Variants in PRSS21 observed in about 807,000 individuals in gnomAD.
PRSS21 encodes testisin.
A neutral mutation model predicts 31.1 loss-of-function variants in PRSS21; 40 were observed. The ratio of observed to expected loss-of-function variants is 1.29; its 90% CI spans 1.00 to 1.68. The LOEUF is 1.68. Among genes scored for constraint, PRSS21 ranks in the 40% most tolerant of loss-of-function variants. PRSS21 has a pLI of 0.00. For synonymous variants in PRSS21, 186 were observed against 167.7 expected, an observed-to-expected ratio of 1.11 and a Z score of -0.84; for missense variants, 467 against 412.6, an observed-to-expected ratio of 1.13 and a Z score of -1.14.
chr16:2,821,169 T>G, intron 5 of PRSS21, 60 bp downstream of exon 5: 1 of 1,600,436 alleles, frequency 6.2e-7, no homozygotes, highest in Non-Finnish European at 8.5e-7. Context: ...TGTGCCTTAT[T>G]TGACCCTCAT....
chr16:2,820,706 T>C (rs1221620900), intron 4 of PRSS21, among the ~76,000 whole-genome samples: 1 of 152,172 alleles, frequency 6.6e-6, no homozygotes, highest in East Asian at 1.9e-4. Flanking sequence ...GGCAGGGCCA[T>C]TGTTGCCATT....
In PRSS21 at chr16:2,817,402, G is replaced by A; in HGVS notation, c.65-28G>A. On this transcript the variant is annotated intron_variant, in intron 1 of 5. Coordinates refer to ENST00000005995, the MANE Select transcript of PRSS21 (RefSeq NM_006799.4). This position sits in a 1 kb window ranked among gnomAD's most constrained non-coding sequence, Gnocchi z 4.2. ...GTGGGGAGGACGGGAGGTGGAGGCCGCGGGGAGTCACTTCTTGTCTCCCGC... is the reference window on the plus strand; with the variant it reads ...GTGGGGAGGACGGGAGGTGGAGGCCACGGGGAGTCACTTCTTGTCTCCCGC... 1 of 1,595,480 alleles carries A rather than the reference G, an allele frequency of 6.3e-7. No individual in the cohort carries two copies. The highest frequency in any genetic ancestry group is 1.1e-5 in the South Asian group (1 of 90,116).
rs761079620 is a variant in PRSS21 at position 2,817,951 on chromosome 16, C to T, written c.242C>T (p.Ala81Val). Residue 81 changes from alanine to valine, a missense_variant, in exon 3 of 6, where the codon GCG becomes GTG. Transcript: ENST00000005995. The surrounding 1 kb of genome is among the most constrained non-coding windows in gnomAD (Gnocchi z 4.2). ...LLSHRWALTAAHCFETYSDLS... is the reference protein window; with the variant it reads ...LLSHRWALTAVHCFETYSDLS... Reference sequence around the variant, plus strand: ...AGCCACCGCTGGGCACTCACGGCGGCGCACTGCTTTGAAACGTGAGTGGGG... The same window carrying T: ...AGCCACCGCTGGGCACTCACGGCGGTGCACTGCTTTGAAACGTGAGTGGGG... The T allele has an allele frequency of 7.7e-6, 12 of 1,548,824 alleles. No homozygotes were observed. In the South Asian group the frequency reaches 9.5e-5, roughly 12 times the overall value.
Position 2,821,022 on chromosome 16 carries a change from C to G in PRSS21, c.618C>G (p.His206Gln). 6.2e-7 allele frequency: 1 copy of G among 1,614,152 alleles called. No homozygotes were observed. The highest frequency in any genetic ancestry group is 8.5e-7 in the Non-Finnish European group (1 of 1,180,006). ...TCATAAACAACTCTATGTGCAACCA[C>G]CTCTTCCTCAAGTACAGTTTCCGCA... ...VAIINNSMCN[H>Q]LFLKYSFRKD... Residue 206 changes from histidine (H) to glutamine (Q), a missense_variant, in exon 5 of 6, where the codon CAC becomes CAG. By Grantham distance (24) the His-to-Gln change is conservative. Transcript: ENST00000005995.
chr16:2,821,173 C>T, intron 5 of PRSS21, 64 bp downstream of exon 5: 1 of 1,595,750 alleles, frequency 6.3e-7, no homozygotes, highest in Non-Finnish European at 8.6e-7. Flanking sequence ...CCTTATTTGA[C>T]CCTCATGCCA....
At position 2,817,493 on chromosome 16, in the gene PRSS21, G is replaced by A. The variant is rs966676468; in HGVS notation, c.91+37G>A. 8 of 1,532,724 alleles carry A rather than the reference G, an allele frequency of 5.2e-6. No homozygotes were observed. Among genetic ancestry groups the A allele is most frequent in the Middle Eastern group, 2.3e-4 (1 of 4,278 alleles). 94.9% of individuals were successfully genotyped at this position (1,532,724 alleles called of 1,614,324 possible). A position where few individuals can be genotyped will look rare whatever the true frequency, so the allele number is the denominator to read the frequency against. On this transcript the variant is annotated intron_variant, in intron 2 of 5. Coordinates refer to ENST00000005995, the MANE Select transcript of PRSS21 (RefSeq NM_006799.4). The surrounding 1 kb of genome is among the most constrained non-coding windows in gnomAD (Gnocchi z 4.2). ...AGGACGCGCGATTCCTGCCAGGGCCGTTGGGCCGAGGTGGACGGGGGGCGG... is the reference window on the plus strand; with the variant it reads ...AGGACGCGCGATTCCTGCCAGGGCCATTGGGCCGAGGTGGACGGGGGGCGG...
intron 3 of PRSS21, 98 bp downstream of exon 3, chr16:2,818,064 G>C: frequency 7.0e-7 from 1 of 1,423,384 alleles, no homozygotes; most frequent in East Asian, 2.5e-5. Context: ...CCAGACTTGG[G>C]CGTGAAAGTT....
rs2069109125 is a variant in PRSS21 at position 2,817,980 on chromosome 16, C to T, written c.257+14C>T. On this transcript the variant is annotated intron_variant, in intron 3 of 5. Coordinates refer to ENST00000005995, the MANE Select transcript of PRSS21 (RefSeq NM_006799.4). The surrounding 1 kb of genome is among the most constrained non-coding windows in gnomAD (Gnocchi z 4.2). ...CTGCTTTGAAACGTGAGTGGGGGTG[C>T]GAACGGAGGGGTGCGGGGACGGGCA... The T allele has an allele frequency of 3.9e-6, 6 of 1,543,358 alleles. No individual in the cohort carries two copies. Among genetic ancestry groups the T allele is most frequent in the East Asian group, 2.5e-5 (1 of 40,750 alleles).
Position 2,817,340 on chromosome 16 carries a change from C to T in PRSS21, c.64+8C>T, listed in dbSNP as rs1555469534. 6.5e-7 allele frequency: 1 copy of T among 1,548,056 alleles called. No homozygotes were observed. Among genetic ancestry groups the T allele is most frequent in the Non-Finnish European group, 8.7e-7 (1 of 1,146,756 alleles). On this transcript the variant is annotated splice_region_variant and intron_variant, in intron 1 of 5. Coordinates refer to ENST00000005995, the MANE Select transcript of PRSS21 (RefSeq NM_006799.4). This position sits in a 1 kb window ranked among gnomAD's most constrained non-coding sequence, Gnocchi z 4.2. Reference sequence around the variant, plus strand: ...CTGGACTCAGGAAGCCGGGTGAGCTCGGGGCGCTGCTGGCGGGATGGGGAG... The same window carrying T: ...CTGGACTCAGGAAGCCGGGTGAGCTTGGGGCGCTGCTGGCGGGATGGGGAG...
In PRSS21 at chr16:2,818,675, A is replaced by T; in HGVS notation, c.258-2A>T. 1 of 1,613,492 alleles carries T rather than the reference A, an allele frequency of 6.2e-7. No individual in the cohort carries two copies. The highest frequency in any genetic ancestry group is 8.5e-7 in the Non-Finnish European group (1 of 1,179,470). On this transcript the variant is annotated splice_acceptor_variant, in intron 3 of 5. Transcript: ENST00000005995. LOFTEE classifies it high-confidence loss of function. ...CCTGACTGCTCTCTTCTCTTCTGCCAGCTATAGTGACCTTAGTGATCCCTC... is the reference window on the plus strand; with the variant it reads ...CCTGACTGCTCTCTTCTCTTCTGCCTGCTATAGTGACCTTAGTGATCCCTC...
At position 2,817,550 on chromosome 16, in the gene PRSS21, C is replaced by T; in HGVS notation, c.91+94C>T. On this transcript the variant is annotated intron_variant, in intron 2 of 5. Coordinates refer to ENST00000005995, the MANE Select transcript of PRSS21 (RefSeq NM_006799.4). This position sits in a 1 kb window ranked among gnomAD's most constrained non-coding sequence, Gnocchi z 4.2. ...GGTAGAGGGGGGCCTTTACTGCTCTCTCGCCCCCGCCCCCGGGATCGAGAA... is the reference window on the plus strand; with the variant it reads ...GGTAGAGGGGGGCCTTTACTGCTCTTTCGCCCCCGCCCCCGGGATCGAGAA... 7.0e-7 allele frequency: 1 copy of T among 1,435,130 alleles called. No homozygotes were observed. Among genetic ancestry groups the T allele is most frequent in the Non-Finnish European group, 9.2e-7 (1 of 1,082,426 alleles). 88.9% of individuals were successfully genotyped at this position (1,435,130 alleles called of 1,614,324 possible). A position where few individuals can be genotyped will look rare whatever the true frequency, so the allele number is the denominator to read the frequency against.
rs1471060975 is a variant in PRSS21, at chr16:2,817,839, G to T, written c.130G>T (p.Gly44Cys). The T allele has an allele frequency of 9.7e-6, 15 of 1,551,206 alleles. No individual in the cohort carries two copies. The highest frequency in any genetic ancestry group is 1.2e-5 in the Non-Finnish European group (14 of 1,147,520). ...ACGGGTCATCACGTCGCGCATCGTG[G>T]GTGGAGAGGACGCCGAACTCGGGCG... The part of the protein sequence containing the change: ...GRRVITSRIV[G>C]GEDAELGRWP... Residue 44 changes from glycine (G) to cysteine (C), a missense_variant, in exon 3 of 6, where the codon GGT becomes TGT. Coordinates refer to ENST00000005995, the MANE Select transcript of PRSS21 (RefSeq NM_006799.4). This position sits in a 1 kb window ranked among gnomAD's most constrained non-coding sequence, Gnocchi z 4.2.
In PRSS21 at chr16:2,817,565, G is replaced by A. The variant is rs2150806866; in HGVS notation, c.91+109G>A. 1 of 1,428,840 alleles carries A rather than the reference G, an allele frequency of 7.0e-7. No homozygotes were observed. The allele number at this position is 1,428,840 out of a possible 1,614,324, so 88.5% of individuals were successfully genotyped here. ...TTACTGCTCTCTCGCCCCCGCCCCC[G>A]GGATCGAGAACTCTGTTGGCGTGGA... On this transcript the variant is annotated intron_variant, in intron 2 of 5. Transcript: ENST00000005995. The surrounding 1 kb of genome is among the most constrained non-coding windows in gnomAD (Gnocchi z 4.2).
At position 2,817,688 on chromosome 16, in the gene PRSS21, G is replaced by T; in HGVS notation, c.92-113G>T. ...ACTTCCTGCTGCACACACGCGAGGG[G>T]ACCCTGGGTGGGCAAAAACGTGCTT... On this transcript the variant is annotated intron_variant, in intron 2 of 5. Transcript: ENST00000005995. The surrounding 1 kb of genome is among the most constrained non-coding windows in gnomAD (Gnocchi z 4.2). 3 of 1,400,592 alleles carry T rather than the reference G, an allele frequency of 2.1e-6. No individual in the cohort carries two copies. The highest frequency in any genetic ancestry group is 2.9e-6 in the Non-Finnish European group (3 of 1,040,804). 86.8% of individuals were successfully genotyped at this position (1,400,592 alleles called of 1,614,324 possible).
Position 2,817,945 on chromosome 16 carries a change from C to T in PRSS21, c.236C>T (p.Thr79Met), listed in dbSNP as rs759933249. ...VSLLSHRWAL[T>M]AAHCFETYSD... ...CTGCTCAGCCACCGCTGGGCACTCA[C>T]GGCGGCGCACTGCTTTGAAACGTGA... The change falls in exon 3 of 6, where the codon ACG (threonine) becomes ATG (methionine). Residue 79 changes from threonine to methionine, a missense_variant. Thr to Met is a moderately conservative substitution (Grantham distance 81). Coordinates refer to ENST00000005995, the MANE Select transcript of PRSS21 (RefSeq NM_006799.4). The surrounding 1 kb of genome is among the most constrained non-coding windows in gnomAD (Gnocchi z 4.2). 2.6e-6 allele frequency: 4 copies of T among 1,549,054 alleles called. No individual in the cohort carries two copies. Among genetic ancestry groups the T allele is most frequent in the Non-Finnish European group, 3.5e-6 (4 of 1,146,758 alleles).
Position 2,817,971 on chromosome 16 carries a change from G to A in PRSS21, c.257+5G>A. ...GGCGGCGCACTGCTTTGAAACGTGAGTGGGGGTGCGAACGGAGGGGTGCGG... is the reference window on the plus strand; with the variant it reads ...GGCGGCGCACTGCTTTGAAACGTGAATGGGGGTGCGAACGGAGGGGTGCGG... On this transcript the variant is annotated splice_donor_5th_base_variant and intron_variant, in intron 3 of 5. Coordinates refer to ENST00000005995, the MANE Select transcript of PRSS21 (RefSeq NM_006799.4). This position sits in a 1 kb window ranked among gnomAD's most constrained non-coding sequence, Gnocchi z 4.2. 1.9e-6 allele frequency: 3 copies of A among 1,546,898 alleles called. No individual in the cohort carries two copies. Among genetic ancestry groups the A allele is most frequent in the Non-Finnish European group, 2.6e-6 (3 of 1,145,720 alleles).
At chr16:2,820,546 C>G (rs1365899249) in intron 4 of PRSS21, among the ~76,000 whole-genome samples, 1 of 152,194 alleles carries the variant, frequency 6.6e-6, no homozygotes, top group Non-Finnish European at 1.5e-5. Flanking sequence ...GTGTCCAGGC[C>G]TGGAAAGCGC....
rs1832701881 is a variant in PRSS21, at chr16:2,821,497, G to A, written c.837G>A (p.Glu279=). The change falls in exon 6 of 6, where the codon GAG becomes GAA. Residue 279 remains glutamate, a synonymous_variant. Transcript: ENST00000005995. ...ACACCAATATCAGCCACCACTTTGAGTGGATCCAGAAGCTGATGGCCCAGA... is the reference window on the plus strand; with the variant it reads ...ACACCAATATCAGCCACCACTTTGAATGGATCCAGAAGCTGATGGCCCAGA... ...GVYTNISHHF[E]WIQKLMAQSG... 1.9e-6 allele frequency: 3 copies of A among 1,614,254 alleles called. No homozygotes were observed. In the South Asian group the frequency reaches 3.3e-5, roughly 18 times the overall value.
chr16:2,821,255 G>A, intron 5 of PRSS21, 111 bp from the exon 6 acceptor site: 2 of 1,530,992 alleles, frequency 1.3e-6, no homozygotes, highest in Admixed American at 3.5e-5. Context: ...GCCAGGGGGA[G>A]GAGGAGGATG....
Sources: allele counts gnomAD v4.1 joint callset (sites outside exome capture counted in the v4.1 genomes callset), GRCh38; gene constraint gnomAD v4.1.1; non-coding constraint Gnocchi (gnomAD v3.1); transcripts MANE v1.5; gene names NCBI Gene and HGNC (gene_info 2026-07-23, HGNC 2026-07-21).